ADAMTS19: variants seen among roughly 807,000 people sequenced by gnomAD.
ADAMTS19 encodes A disintegrin and metalloproteinase with thrombospondin motifs 19.
ADAMTS19 carries 93 observed loss-of-function variants against 153.3 expected under a neutral mutation model. The ratio of observed to expected loss-of-function variants is 0.61; its 90% CI spans 0.51 to 0.72. ADAMTS19 has a LOEUF of 0.72. Among genes scored for constraint, ADAMTS19 ranks in the 30% least tolerant of loss-of-function variants. The probability of loss-of-function intolerance (pLI) is 0.00; values close to 1 mark genes in which losing one functional copy is unlikely to be tolerated. For missense variants in ADAMTS19, 1,482 were observed against 1,552.1 expected (o/e 0.95, Z 0.76); for synonymous variants, 600 against 556.6 (o/e 1.08, Z -1.10).
At chr5:129,708,127 GA>G (rs1756251914) in intron 21 of ADAMTS19, among the ~76,000 whole-genome samples, 1 of 152,144 alleles carries the variant, frequency 6.6e-6, no homozygotes, top group South Asian at 2.1e-4. Context: ...TTCTGAGGGG[GA>G]AAAACAGATT....
intron 3 of ADAMTS19, among the ~76,000 whole-genome samples, chr5:129,523,693 A>G (rs1224461919): frequency 6.6e-6 from 1 of 152,192 alleles, no homozygotes; most frequent in East Asian, 1.9e-4. Flanking sequence ...CCCAGTGTGA[A>G]CATAACCAAT....
chr5:129,540,296 G>A (rs1752612441), intron 6 of ADAMTS19, among the ~76,000 whole-genome samples: 1 of 151,976 alleles, frequency 6.6e-6, no homozygotes. Flanking sequence ...ACCTATCTGA[G>A]GTCATATATT....
chr5:129,624,785 A>G (rs1201025098), intron 10 of ADAMTS19, among the ~76,000 whole-genome samples: 1 of 152,190 alleles, frequency 6.6e-6, no homozygotes, highest in Non-Finnish European at 1.5e-5. Context: ...ACCTCTGAAT[A>G]TCTTCCACAT....
intron 3 of ADAMTS19, among the ~76,000 whole-genome samples, chr5:129,512,447 A>G (rs1222357964): frequency 6.6e-6 from 1 of 152,080 alleles, no homozygotes; most frequent in Non-Finnish European, 1.5e-5. Flanking sequence ...ACATGGTCTA[A>G]AGATTTAGGA....
intron 6 of ADAMTS19, among the ~76,000 whole-genome samples, chr5:129,544,191 G>A (rs1340500838): frequency 2.0e-5 from 3 of 152,072 alleles, no homozygotes; most frequent in East Asian, 1.9e-4. Context: ...CAACCATTTG[G>A]AAGAAAAATA....
At chr5:129,718,389 C>A (rs1262900087) in intron 21 of ADAMTS19, among the ~76,000 whole-genome samples, 1 of 151,966 alleles carries the variant, frequency 6.6e-6, no homozygotes, top group East Asian at 1.9e-4. Flanking sequence ...CACACATACA[C>A]AAAAAAACAC....
At chr5:129,721,414 T>G (rs888035742) in intron 21 of ADAMTS19, among the ~76,000 whole-genome samples, 8 of 152,198 alleles carry the variant, frequency 5.3e-5, no homozygotes, top group Non-Finnish European at 1.2e-4. Flanking sequence ...TGTATCAGAT[T>G]ACACTTGAAA....
intron 8 of ADAMTS19, among the ~76,000 whole-genome samples, chr5:129,607,991 A>G (rs1581138642): frequency 6.9e-6 from 1 of 145,832 alleles, no homozygotes; most frequent in African/African-American, 2.6e-5. Context: ...TATATAAACA[A>G]TTCTATATAT....
intron 8 of ADAMTS19, among the ~76,000 whole-genome samples, chr5:129,598,068 G>A (rs943692828): frequency 6.6e-6 from 1 of 152,112 alleles, no homozygotes; most frequent in Non-Finnish European, 1.5e-5. Context: ...TGATCTTTAT[G>A]GAGGGAGGGC....
Position 129,612,600 on chromosome 5 carries a change from A to G in ADAMTS19, c.1479-8018A>G, listed in dbSNP as rs528110694. ...TGCAAAAACATGCCAAATTGTAAAG[A>G]ACATCGATGCTAGGAAGAAACTGCA... On this transcript the variant is annotated intron_variant, in intron 8 of 22. Transcript: ENST00000274487. 2.0e-5 allele frequency among the ~76,000 whole-genome samples: 3 copies of G among 152,288 alleles called. No homozygotes were observed. The East Asian group carries it at 5.8e-4, about 29-fold the overall frequency.
At chr5:129,479,137 C>T (rs972509790) in intron 2 of ADAMTS19, among the ~76,000 whole-genome samples, 2 of 151,786 alleles carry the variant, frequency 1.3e-5, no homozygotes, top group East Asian at 1.9e-4. Flanking sequence ...AATTTAAAGC[C>T]GTATGTGTGT....
intron 21 of ADAMTS19, among the ~76,000 whole-genome samples, chr5:129,705,776 A>G (rs1756123873): frequency 6.6e-6 from 1 of 152,308 alleles, no homozygotes; most frequent in Non-Finnish European, 1.5e-5. Flanking sequence ...ATAGAGCAGG[A>G]TAATAGGGAA....
chr5:129,563,238 C>T (rs142913341), intron 7 of ADAMTS19, among the ~76,000 whole-genome samples: 1 of 151,756 alleles, frequency 6.6e-6, no homozygotes, highest in Non-Finnish European at 1.5e-5. Flanking sequence ...TATAGCACCT[C>T]AACCATAGAG....
intron 18 of ADAMTS19, 148 bp downstream of exon 18, chr5:129,684,421 T>C: frequency 2.0e-6 from 2 of 990,680 alleles, no homozygotes; most frequent in Non-Finnish European, 2.9e-6. Flanking sequence ...ATATGTTTAG[T>C]GGCTAAACAC....
chr5:129,460,768 T>C, intron 1 of ADAMTS19: 1 of 558,040 alleles, frequency 1.8e-6, no homozygotes. Flanking sequence ...GTACCTAAGT[T>C]GATAGCAACG....
At position 129,700,956 on chromosome 5, in the gene ADAMTS19, T is replaced by C. The variant is rs541626178; in HGVS notation, c.2955-432T>C. On this transcript the variant is annotated intron_variant, in intron 19 of 22. Coordinates refer to ENST00000274487, the MANE Select transcript of ADAMTS19 (RefSeq NM_133638.6). ...TAACATTCTGCTAACTCTAGACGTG[T>C]CAAAATATATGGTAGTGATACGCTT... 2.1e-4 allele frequency among the ~76,000 whole-genome samples: 32 copies of C among 151,750 alleles called. 1 individual carries two copies. In the South Asian group the frequency reaches 4.8e-3, roughly 23 times the overall value.
intron 13 of ADAMTS19, among the ~76,000 whole-genome samples, chr5:129,649,341 A>G (rs1013602801): frequency 6.6e-6 from 1 of 152,196 alleles, no homozygotes; most frequent in African/African-American, 2.4e-5. Context: ...CAATACAGAA[A>G]TCATACTCCT....
chr5:129,628,327 G>A (rs538584336), intron 10 of ADAMTS19, among the ~76,000 whole-genome samples: 7 of 151,814 alleles, frequency 4.6e-5, no homozygotes, highest in African/African-American at 1.7e-4. Flanking sequence ...AGGAGGGAGA[G>A]GATCAGAAAA....
At chr5:129,726,298 C>G (rs560411261) in intron 21 of ADAMTS19, among the ~76,000 whole-genome samples, 6 of 152,174 alleles carry the variant, frequency 3.9e-5, no homozygotes, top group African/African-American at 9.6e-5. Context: ...ACAAGACTCT[C>G]TTTTTAAAAT....
Sources: gnomAD v4.1 joint callset for allele counts (sites outside exome capture counted in the v4.1 genomes callset) on GRCh38, gnomAD v4.1.1 for gene constraint, MANE v1.5 for transcripts, NCBI Gene and HGNC (gene_info 2026-07-23, HGNC 2026-07-21) for gene names.